Variants in EHMT1 observed in about 807,000 individuals in gnomAD.
EHMT1 encodes histone-lysine N-methyltransferase EHMT1.
Under a neutral mutation model 147.2 loss-of-function variants are expected in EHMT1, and 15 were observed. That is an observed-to-expected ratio of 0.10 (90% CI 0.07 to 0.16). The LOEUF (loss-of-function observed/expected upper bound fraction) is 0.16, where lower values mean the gene tolerates loss of function less well. EHMT1 is among the 10% of genes least tolerant of loss of function. The probability of loss-of-function intolerance (pLI) is 1.00; values close to 1 mark genes in which losing one functional copy is unlikely to be tolerated. For missense variants in EHMT1, 1,587 were observed against 1,772.4 expected (o/e 0.90, Z 1.88); for synonymous variants, 795 against 709.6 (o/e 1.12, Z -1.91).
intron 1 of EHMT1, chr9:137,646,573 G>T (rs867007391): frequency 3.2e-6 from 1 of 312,700 alleles, no homozygotes; most frequent in Non-Finnish European, 4.6e-6. Context: ...GGGCTGGGGT[G>T]GTCTGGGGTG....
At position 137,818,309 on chromosome 9, in the gene EHMT1, T is replaced by A. The variant is rs147635474; in HGVS notation, c.3540+171T>A. On this transcript the variant is annotated intron_variant, in intron 25 of 26. Transcript: ENST00000460843. ...TGGAGCTGGCCTTGGTTCTGTGCCCTGCATGGATGGAGGGAGGGACCTCTG... is the reference window on the plus strand; with the variant it reads ...TGGAGCTGGCCTTGGTTCTGTGCCCAGCATGGATGGAGGGAGGGACCTCTG... 5.2e-3 allele frequency among the ~76,000 whole-genome samples: 798 copies of A among 152,264 alleles called. 6 individuals carry two copies. The highest frequency in any genetic ancestry group is 0.019 in the African/African-American group (770 of 41,552).
At chr9:137,768,609 G>A (rs1413579602) in intron 10 of EHMT1, among the ~76,000 whole-genome samples, 2 of 131,402 alleles carry the variant, frequency 1.5e-5, no homozygotes, top group Non-Finnish European at 3.1e-5. Context: ...GAGTGCAGTG[G>A]CGGGATCTCG....
chr9:137,781,384 T>C (rs1172256825), intron 14 of EHMT1, among the ~76,000 whole-genome samples: 1 of 148,352 alleles, frequency 6.7e-6, no homozygotes, highest in African/African-American at 2.6e-5. Context: ...CTGGGATGTG[T>C]GGTGATGACG....
chr9:137,726,626 G>A (rs1413778770), intron 3 of EHMT1, among the ~76,000 whole-genome samples: 10 of 152,114 alleles, frequency 6.6e-5, no homozygotes, highest in Non-Finnish European at 4.4e-5. Context: ...AGTGCTGCTG[G>A]GGCACGTGCC....
Position 137,782,219 on chromosome 9 carries a change from C to A in EHMT1, c.2276-72C>A. 1 of 1,408,082 alleles carries A rather than the reference C, an allele frequency of 7.1e-7. No homozygotes were observed. The highest frequency in any genetic ancestry group is 9.9e-7 in the Non-Finnish European group (1 of 1,014,842). 87.2% of individuals were successfully genotyped at this position (1,408,082 alleles called of 1,614,324 possible). ...ATGGTCATTTGTGAGTGCTTGCCAG[C>A]CATCGTGACAGTCCTGAGCTGGAGT... On this transcript the variant is annotated intron_variant, in intron 14 of 26. Transcript: ENST00000460843. The surrounding 1 kb of genome is among the most constrained non-coding windows in gnomAD (Gnocchi z 5.7).
chr9:137,805,161 ATG>A (rs1279773661), intron 18 of EHMT1, among the ~76,000 whole-genome samples: 29 of 149,480 alleles, frequency 1.9e-4, no homozygotes, highest in African/African-American at 7.2e-4. Flanking sequence ...CATCATCTGC[ATG>A]TGTCATTCGT....
chr9:137,788,773 C>T (rs1209713114), intron 15 of EHMT1: 2 of 152,334 alleles, frequency 1.3e-5, no homozygotes, highest in South Asian at 2.1e-4. Flanking sequence ...CAGAGCCTCG[C>T]GGAGGGTGAG....
At chr9:137,633,888 A>C (rs1214988690) in intron 1 of EHMT1, among the ~76,000 whole-genome samples, 1 of 146,730 alleles carries the variant, frequency 6.8e-6, no homozygotes, top group Non-Finnish European at 1.5e-5. Flanking sequence ...ATCTAGTCTC[A>C]CTGCAACCTC....
chr9:137,816,050 A>G lies in EHMT1; in HGVS notation c.3362A>G (p.Gln1121Arg). The change falls in exon 23 of 27, where the codon CAG becomes CGG. Residue 1121 changes from glutamine (Q) to arginine (R), a missense_variant. Around this residue, in one of 7 missense-constraint regions of EHMT1, gnomAD observed 156 missense variants for 252.5 expected, o/e 0.62. Transcript: ENST00000460843. The part of the protein sequence containing the change: ...CWRNCRNRVV[Q>R]NGLRARLQLY... ...AGGAACTGCCGAAATCGCGTCGTACAGAATGGTCTCAGGTGAGAGGCAGCT... is the reference window on the plus strand; with the variant it reads ...AGGAACTGCCGAAATCGCGTCGTACGGAATGGTCTCAGGTGAGAGGCAGCT... 6.2e-7 allele frequency: 1 copy of G among 1,612,078 alleles called. No homozygotes were observed. Among genetic ancestry groups the G allele is most frequent in the African/African-American group, 1.3e-5 (1 of 75,018 alleles).
chr9:137,825,246 G>T (rs1310271232), intron 25 of EHMT1, among the ~76,000 whole-genome samples: 2 of 152,224 alleles, frequency 1.3e-5, no homozygotes, highest in Non-Finnish European at 2.9e-5. Context: ...AAGGGGATGG[G>T]TTGATACAAG....
intron 1 of EHMT1, among the ~76,000 whole-genome samples, chr9:137,656,604 G>T (rs1938475209): frequency 6.6e-6 from 1 of 152,140 alleles, no homozygotes; most frequent in South Asian, 2.1e-4. Context: ...GGCCTGTGCT[G>T]TGGACTGGAG....
At chr9:137,699,989 A>T (rs1413582657) in intron 1 of EHMT1, among the ~76,000 whole-genome samples, 1 of 152,226 alleles carries the variant, frequency 6.6e-6, no homozygotes, top group Non-Finnish European at 1.5e-5. Context: ...TGTTGTAAAA[A>T]CTTGAAGCTT....
chr9:137,784,122 G>A, intron 15 of EHMT1: 2 of 1,497,182 alleles, frequency 1.3e-6, no homozygotes, highest in Non-Finnish European at 1.8e-6. Flanking sequence ...AGGCTGGGAA[G>A]CCCAAGGTCG....
chr9:137,800,617 G>T, intron 17 of EHMT1: 1 of 531,254 alleles, frequency 1.9e-6, no homozygotes, highest in Admixed American at 3.2e-5. Context: ...AGCGGGCAAG[G>T]CCGACAGCAC....
chr9:137,748,318 G>C (rs1354094257), intron 6 of EHMT1, among the ~76,000 whole-genome samples: 1 of 152,188 alleles, frequency 6.6e-6, no homozygotes, highest in Non-Finnish European at 1.5e-5. Context: ...TATGGTTCTT[G>C]GTGCTATTTC....
chr9:137,739,859 C>G (rs1293344518), intron 4 of EHMT1, among the ~76,000 whole-genome samples: 1 of 152,136 alleles, frequency 6.6e-6, no homozygotes, highest in Non-Finnish European at 1.5e-5. Flanking sequence ...TCTGTGTGGA[C>G]TTGTCGGGCA....
At chr9:137,636,883 A>T in intron 1 of EHMT1, among the ~76,000 whole-genome samples, 3 of 147,038 alleles carry the variant, frequency 2.0e-5, no homozygotes, top group Non-Finnish European at 3.0e-5. Flanking sequence ...TTTTTTTTTG[A>T]GACAGTTTCA....
intron 1 of EHMT1, among the ~76,000 whole-genome samples, chr9:137,659,550 TA>T (rs1242471125): frequency 1.3e-5 from 2 of 151,676 alleles, no homozygotes; most frequent in African/African-American, 4.8e-5. Flanking sequence ...TGGGTCCCTT[TA>T]AAAAATTTTT....
chr9:137,634,133 C>T (rs368124954), intron 1 of EHMT1, among the ~76,000 whole-genome samples: 1 of 152,090 alleles, frequency 6.6e-6, no homozygotes, highest in Admixed American at 6.6e-5. Context: ...TTTCTTGATG[C>T]CTTCCTTTGA....
Sources: allele counts gnomAD v4.1 joint callset (sites outside exome capture counted in the v4.1 genomes callset), GRCh38; gene constraint gnomAD v4.1.1; regional missense constraint gnomAD v4.1.1; non-coding constraint Gnocchi (gnomAD v3.1); transcripts MANE v1.5; gene names NCBI Gene and HGNC (gene_info 2026-07-23, HGNC 2026-07-21).